The following RORA variants were observed in gnomAD, a reference collection of about 807,000 sequenced individuals.
RORA encodes nuclear receptor ROR-alpha.
RORA carries 7 observed loss-of-function variants against 69.5 expected under a neutral mutation model. The ratio of observed to expected loss-of-function variants is 0.10; its 90% confidence interval spans 0.06 to 0.19. The LOEUF is 0.19. Among genes scored for constraint, RORA ranks in the 10% least tolerant of loss-of-function variants. The probability of loss-of-function intolerance (pLI) is 1.00; values close to 1 mark genes in which losing one functional copy is unlikely to be tolerated. For missense variants in RORA, 457 were observed against 663.0 expected (o/e 0.69, Z 3.41); for synonymous variants, 261 against 240.8 (o/e 1.08, Z -0.78).
At chr15:60,570,139 C>T (rs910482616) in intron 2 of RORA, among the ~76,000 whole-genome samples, 13 of 152,122 alleles carry the variant, frequency 8.5e-5, no homozygotes, top group South Asian at 2.1e-4. Context: ...TAGCCGATCA[C>T]GGGCCATCAG....
At chr15:60,841,547 T>C (rs551941834) in intron 1 of RORA, among the ~76,000 whole-genome samples, 92 of 152,360 alleles carry the variant, frequency 6.0e-4, no homozygotes, top group African/African-American at 2.1e-3. Context: ...CTTCTGACAT[T>C]GCACAGGAAA....
chr15:61,103,923 T>C (rs2078915941), intron 1 of RORA, among the ~76,000 whole-genome samples: 1 of 152,086 alleles, frequency 6.6e-6, no homozygotes, highest in Non-Finnish European at 1.5e-5. Context: ...CAGAGGGAAG[T>C]AGCAGGGGCT....
Position 61,213,970 on chromosome 15 carries a change from C to G in RORA, c.166+15083G>C, listed in dbSNP as rs1192471523. On this transcript the variant is annotated intron_variant, in intron 1 of 10. Coordinates refer to ENST00000335670, the MANE Select transcript of RORA (RefSeq NM_134261.3). This position sits in a 1 kb window ranked among gnomAD's most constrained non-coding sequence, Gnocchi z 4.1. ...CTGGCTCATCTTTCACATATTGATT[C>G]TAAACTGCACGTCACTAGCATCCTG... The G allele has an allele frequency of 6.6e-6, 1 of 152,222 alleles. No individual in the cohort carries two copies. Among genetic ancestry groups the G allele is most frequent in the Non-Finnish European group, 1.5e-5 (1 of 68,062 alleles). The allele number at this position is 152,222 out of a possible 1,614,324, so 9.4% of individuals were successfully genotyped here. A position where few individuals can be genotyped will look rare whatever the true frequency, so the allele number is the denominator to read the frequency against.
At chr15:61,097,881 A>G (rs891098992) in intron 1 of RORA, among the ~76,000 whole-genome samples, 2 of 152,158 alleles carry the variant, frequency 1.3e-5, no homozygotes, top group African/African-American at 4.8e-5. Context: ...TTTAATTCCA[A>G]CTTCACAGTT....
chr15:60,847,744 C>G (rs2073282281), intron 1 of RORA: 1 of 152,024 alleles, frequency 6.6e-6, no homozygotes, highest in Non-Finnish European at 1.5e-5. Context: ...AATGATAATA[C>G]TTTGGATAGA....
At chr15:60,991,270 A>C (rs1894368490) in intron 1 of RORA, among the ~76,000 whole-genome samples, 1 of 140,526 alleles carries the variant, frequency 7.1e-6, no homozygotes, top group African/African-American at 2.5e-5. Flanking sequence ...CTGTTTGTTG[A>C]GTGAGTGAAT....
At chr15:61,212,841 A>G (rs2080005742) in intron 1 of RORA, among the ~76,000 whole-genome samples, 1 of 152,126 alleles carries the variant, frequency 6.6e-6, no homozygotes, top group Non-Finnish European at 1.5e-5. Flanking sequence ...TTCTGCTGAT[A>G]TCATTTCAAA....
chr15:60,714,421 A>G (rs1406977622), intron 1 of RORA, among the ~76,000 whole-genome samples: 3 of 151,090 alleles, frequency 2.0e-5, no homozygotes, highest in Non-Finnish European at 2.9e-5. Flanking sequence ...GCTAGAGTCA[A>G]TGGTGCAATC....
chr15:61,024,200 A>T (rs932160966), intron 1 of RORA, among the ~76,000 whole-genome samples: 2 of 151,974 alleles, frequency 1.3e-5, no homozygotes, highest in South Asian at 4.2e-4. Flanking sequence ...TGGGGTGGAA[A>T]TCAGTTGGTA....
At chr15:60,833,449 C>T (rs542711727) in intron 1 of RORA, among the ~76,000 whole-genome samples, 58 of 152,154 alleles carry the variant, frequency 3.8e-4, no homozygotes, top group Non-Finnish European at 7.2e-4. Flanking sequence ...CTCCTGACCC[C>T]AAGTGATCCA....
At chr15:60,945,500 A>G (rs1892843481) in intron 1 of RORA, among the ~76,000 whole-genome samples, 1 of 152,228 alleles carries the variant, frequency 6.6e-6, no homozygotes, top group Admixed American at 6.5e-5. Flanking sequence ...TCTCCAGGCT[A>G]CAACTACCGA....
In RORA at chr15:60,867,006, C is replaced by T. The variant is rs142028924; in HGVS notation, c.167-188320G>A. On this transcript the variant is annotated intron_variant, in intron 1 of 10. Coordinates refer to ENST00000335670, the MANE Select transcript of RORA (RefSeq NM_134261.3). ...TCAGCCTCCCGGGTAGCTGGGACTA[C>T]AGCTGTGAGCCACCATGCCCGGCTA... Among the ~76,000 whole-genome samples the T allele has an allele frequency of 6.1e-3, 936 of 152,206 alleles. 9 individuals carry two copies. Among genetic ancestry groups the T allele is most frequent in the South Asian group, 0.015 (74 of 4,812 alleles).
At chr15:60,815,361 G>A (rs1041059027) in intron 1 of RORA, among the ~76,000 whole-genome samples, 12 of 152,098 alleles carry the variant, frequency 7.9e-5, no homozygotes, top group African/African-American at 2.4e-4. Context: ...AGCATTGCCT[G>A]GTGATTATGG....
At chr15:60,744,251 G>A (rs1052440823) in intron 1 of RORA, among the ~76,000 whole-genome samples, 13 of 152,142 alleles carry the variant, frequency 8.5e-5, no homozygotes, top group African/African-American at 1.4e-4. Context: ...AAAGATATAC[G>A]TTGCTTTTAA....
At chr15:60,931,608 G>T (rs893775718) in intron 1 of RORA, among the ~76,000 whole-genome samples, 1 of 152,246 alleles carries the variant, frequency 6.6e-6, no homozygotes, top group Admixed American at 6.5e-5. Context: ...AAGACTTAAT[G>T]CTCCAGAGTG....
intron 2 of RORA, among the ~76,000 whole-genome samples, chr15:60,606,630 T>A (rs539792979): frequency 6.6e-6 from 1 of 152,316 alleles, no homozygotes; most frequent in South Asian, 2.1e-4. Context: ...CTACGTGAAA[T>A]GTTTGAAAAA....
intron 2 of RORA, among the ~76,000 whole-genome samples, chr15:60,575,070 C>T (rs1240583279): frequency 6.6e-6 from 1 of 152,038 alleles, no homozygotes; most frequent in East Asian, 1.9e-4. Flanking sequence ...CAGAAGGCCA[C>T]CGAGAGCCCT....
At chr15:61,206,549 T>C (rs1471320119) in intron 1 of RORA, among the ~76,000 whole-genome samples, 1 of 152,104 alleles carries the variant, frequency 6.6e-6, no homozygotes, top group African/African-American at 2.4e-5. Context: ...AATACCATAA[T>C]ATAGGCCCAA....
rs1408194110 is a variant in RORA, at chr15:60,867,638, G to C, written c.167-188952C>G. Among the ~76,000 whole-genome samples the C allele has an allele frequency of 5.3e-5, 8 of 152,212 alleles. 1 individual carries two copies. In the South Asian group the frequency reaches 1.2e-3, roughly 24 times the overall value. On this transcript the variant is annotated intron_variant, in intron 1 of 10. Coordinates refer to ENST00000335670, the MANE Select transcript of RORA (RefSeq NM_134261.3). ...TTGGGTTCTAACAAAAGATGCATTA[G>C]AGCCTAAGTGTATCAATGTGCTAAA...
Sources: gnomAD v4.1 joint callset for allele counts (sites outside exome capture counted in the v4.1 genomes callset) on GRCh38, gnomAD v4.1.1 for gene constraint, Gnocchi (gnomAD v3.1) non-coding constraint, MANE v1.5 for transcripts, NCBI Gene and HGNC (gene_info 2026-07-23, HGNC 2026-07-21) for gene names.